Variants in CD247 observed in about 807,000 individuals in gnomAD.
CD247 encodes CD247 molecule, also known as T-cell surface glycoprotein CD3 zeta chain.
A neutral mutation model predicts 30.0 loss-of-function variants in CD247; 13 were observed. The observed-to-expected ratio is 0.43, with a 90% confidence interval of 0.28 to 0.69. CD247 has a LOEUF of 0.69. Ranked by LOEUF, CD247 falls within the 30% of genes least tolerant of loss-of-function variation. The probability of loss-of-function intolerance (pLI) is 0.16; values close to 1 mark genes in which losing one functional copy is unlikely to be tolerated. For synonymous variants in CD247, 72 were observed against 80.0 expected, an observed-to-expected ratio of 0.90 and a Z score of 0.53; for missense variants, 193 against 212.6, an observed-to-expected ratio of 0.91 and a Z score of 0.57.
chr1:167,431,462 G>T lies in CD247; in HGVS notation c.*219C>A. The stretch of plus-strand genomic sequence containing the variant: ...CCACCGGCAAACCAGAGGGCCCAAG[G>T]CCAGGGCCGTAAGCCCTGGGAGTAC... On this transcript the variant is annotated 3_prime_UTR_variant, in exon 8 of 8. Coordinates refer to ENST00000362089, the MANE Select transcript of CD247 (RefSeq NM_198053.3). 1 of 621,844 alleles carries T rather than the reference G, an allele frequency of 1.6e-6. No homozygotes were observed. The allele number at this position is 621,844 out of a possible 1,614,324, so 38.5% of individuals were successfully genotyped here. A position where few individuals can be genotyped will look rare whatever the true frequency, so the allele number is the denominator to read the frequency against.
At chr1:167,462,268 C>T (rs950579410) in intron 1 of CD247, among the ~76,000 whole-genome samples, 1 of 152,206 alleles carries the variant, frequency 6.6e-6, no homozygotes. Flanking sequence ...TCTTGGGTTA[C>T]CAGCCAGCGT....
At chr1:167,434,374 G>A (rs528412061) in intron 5 of CD247, 11 of 481,688 alleles carry the variant, frequency 2.3e-5, no homozygotes, top group Admixed American at 1.0e-4. Flanking sequence ...ACAAAGACAC[G>A]GAGACTGGGC....
chr1:167,483,622 T>G (rs1410059959), intron 1 of CD247, among the ~76,000 whole-genome samples: 3 of 152,194 alleles, frequency 2.0e-5, no homozygotes. Context: ...AGTCAGAGGC[T>G]CAGAGAGATT....
chr1:167,458,689 C>CTTTCTTTCTT (rs1553231431), intron 1 of CD247: 4 of 95,426 alleles, frequency 4.2e-5, no homozygotes, highest in African/African-American at 1.9e-4. Flanking sequence ...TTCTTTCTTT[C>CTTTCTTTCTT]TTTTTTTTTT....
chr1:167,492,476 G>T (rs1282418057), intron 1 of CD247, among the ~76,000 whole-genome samples: 9 of 152,184 alleles, frequency 5.9e-5, no homozygotes, highest in African/African-American at 9.7e-5. Flanking sequence ...GCAAAATTTA[G>T]ACGCTTATGT....
At chr1:167,507,749 T>C (rs1243852857) in intron 1 of CD247, among the ~76,000 whole-genome samples, 5 of 151,936 alleles carry the variant, frequency 3.3e-5, no homozygotes, top group Non-Finnish European at 7.4e-5. Flanking sequence ...AGTGGTAGGA[T>C]TGCTTGAGCC....
chr1:167,450,471 T>C (rs1652301640), intron 1 of CD247, among the ~76,000 whole-genome samples: 1 of 152,100 alleles, frequency 6.6e-6, no homozygotes, highest in South Asian at 2.1e-4. Context: ...TCCAGCCTGG[T>C]TGACAGAGTG....
chr1:167,509,429 T>C (rs1266529519), intron 1 of CD247, among the ~76,000 whole-genome samples: 1 of 151,224 alleles, frequency 6.6e-6, no homozygotes, highest in Non-Finnish European at 1.5e-5. Flanking sequence ...GTTATCTTGA[T>C]GGGCAAAGTA....
chr1:167,505,321 C>T (rs1205549937), intron 1 of CD247, among the ~76,000 whole-genome samples: 1 of 152,058 alleles, frequency 6.6e-6, no homozygotes, highest in African/African-American at 2.4e-5. Context: ...ATTGTCTGAG[C>T]CTAGATATAC....
chr1:167,439,720 G>T (rs770050967), intron 2 of CD247: 8 of 406,922 alleles, frequency 2.0e-5, no homozygotes, highest in South Asian at 1.0e-4. Flanking sequence ...CGCCCCCGGG[G>T]ACATGAGTAT....
At chr1:167,507,222 A>ATT (rs766016142) in intron 1 of CD247, among the ~76,000 whole-genome samples, 2 of 145,070 alleles carry the variant, frequency 1.4e-5, no homozygotes, top group Non-Finnish European at 1.5e-5. Context: ...CCTGGCCTGA[A>ATT]TTTTTTTTTT....
At chr1:167,511,548 A>G (rs1202448120) in intron 1 of CD247, among the ~76,000 whole-genome samples, 2 of 152,240 alleles carry the variant, frequency 1.3e-5, no homozygotes, top group African/African-American at 2.4e-5. Context: ...AGAAAAACAT[A>G]TAGTTCTATA....
At position 167,433,624 on chromosome 1, in the gene CD247, CTTAATTGTTGATGAACAA is replaced by C. The variant is rs552617718; in HGVS notation, c.393+378_393+395del. ...GCTTCACTCTCACCATTTTGAAATTCTTAATTGTTGATGAACAATTAATTGTTGATGAACAATTCTTAA... is the reference window on the plus strand; with the variant it reads ...GCTTCACTCTCACCATTTTGAAATTCTTAATTGTTGATGAACAATTCTTAA... On this transcript the variant is annotated intron_variant, in intron 6 of 7. Coordinates refer to ENST00000362089, the MANE Select transcript of CD247 (RefSeq NM_198053.3). Among the ~76,000 whole-genome samples the C allele has an allele frequency of 1.3e-3, 193 of 152,264 alleles. 1 individual carries two copies. The highest frequency in any genetic ancestry group is 2.6e-3 in the African/African-American group (110 of 41,542).
intron 1 of CD247, among the ~76,000 whole-genome samples, chr1:167,452,916 T>C (rs1652424455): frequency 6.6e-6 from 1 of 151,780 alleles, no homozygotes; most frequent in Non-Finnish European, 1.5e-5. Flanking sequence ...TACATATGTG[T>C]ATATACACAC....
chr1:167,505,883 G>A (rs949896930), intron 1 of CD247, among the ~76,000 whole-genome samples: 1 of 152,220 alleles, frequency 6.6e-6, no homozygotes, highest in Non-Finnish European at 1.5e-5. Context: ...TCATTCTAGT[G>A]TAGGGTCTCA....
chr1:167,466,915 C>T lies in CD247; in HGVS notation c.59-26148G>A, dbSNP rs374996656. On this transcript the variant is annotated intron_variant, in intron 1 of 7. Coordinates refer to ENST00000362089, the MANE Select transcript of CD247 (RefSeq NM_198053.3). ...AGTGCAGTGGCGCAATCTCAGCTCA[C>T]TGCAAGCTCTGCCTCCCAGGTTCAC... 1.1e-4 allele frequency among the ~76,000 whole-genome samples: 17 copies of T among 152,150 alleles called. 1 individual carries two copies. The East Asian group carries it at 3.1e-3, about 28-fold the overall frequency.
intron 2 of CD247, 91 bp downstream of exon 2, chr1:167,440,573 C>G: frequency 1.2e-6 from 1 of 841,506 alleles, no homozygotes; most frequent in Non-Finnish European, 2.0e-6. Context: ...AGGCACCACC[C>G]GAGCTTGAGA....
At chr1:167,476,292 C>T (rs1344370784) in intron 1 of CD247, among the ~76,000 whole-genome samples, 1 of 152,054 alleles carries the variant, frequency 6.6e-6, no homozygotes, top group Non-Finnish European at 1.5e-5. Context: ...TACACCAGGC[C>T]CAGGGATGGC....
intron 1 of CD247, among the ~76,000 whole-genome samples, chr1:167,503,143 C>A (rs989085548): frequency 6.6e-6 from 1 of 152,210 alleles, no homozygotes; most frequent in Non-Finnish European, 1.5e-5. Context: ...CTACCTCAGC[C>A]TTACACAGGA....
Sources: gnomAD v4.1 joint callset for allele counts (sites outside exome capture counted in the v4.1 genomes callset) on GRCh38, gnomAD v4.1.1 for gene constraint, MANE v1.5 for transcripts, NCBI Gene and HGNC (gene_info 2026-07-23, HGNC 2026-07-21) for gene names.